Variants in SORBS2 observed in about 807,000 individuals in gnomAD.
SORBS2 encodes the protein sorbin and SH3 domain containing 2.
A neutral mutation model predicts 97.7 loss-of-function variants in SORBS2; 46 were observed. The ratio of observed to expected loss-of-function variants is 0.47; its 90% CI spans 0.37 to 0.60. The LOEUF is 0.60. SORBS2 is among the 20% of genes least tolerant of loss of function. The pLI is 0.00. For missense variants in SORBS2, 1,316 were observed against 1,282.3 expected (o/e 1.03, Z -0.40); for synonymous variants, 476 against 473.4 (o/e 1.01, Z -0.07).
At chr4:185,886,583 A>AAAAAAAGAAAAGAAAAG (rs2099239763) in intron 1 of SORBS2, among the ~76,000 whole-genome samples, 1 of 151,136 alleles carries the variant, frequency 6.6e-6, no homozygotes, top group Non-Finnish European at 1.5e-5. Context: ...AGAAAAGAAA[A>AAAAAAAGAAAAGAAAAG]AAAAAAGAAA....
intron 7 of SORBS2, among the ~76,000 whole-genome samples, chr4:185,620,993 C>T (rs1026222411): frequency 2.6e-5 from 4 of 152,184 alleles, no homozygotes; most frequent in African/African-American, 9.7e-5. Context: ...TTTGCACTTA[C>T]GTGACTTACA....
At chr4:185,594,633 A>G (rs1327868710) in intron 12 of SORBS2, among the ~76,000 whole-genome samples, 1 of 152,220 alleles carries the variant, frequency 6.6e-6, no homozygotes, top group African/African-American at 2.4e-5. Context: ...TTCTTTTTAA[A>G]CTAAGCATCA....
At chr4:185,921,893 T>C (rs2099261074) in intron 1 of SORBS2, among the ~76,000 whole-genome samples, 1 of 152,224 alleles carries the variant, frequency 6.6e-6, no homozygotes, top group South Asian at 2.1e-4. Context: ...GAGATTCCTT[T>C]ATTCAGACTG....
chr4:185,883,431 G>A (rs1561265835), intron 1 of SORBS2, among the ~76,000 whole-genome samples: 1 of 152,188 alleles, frequency 6.6e-6, no homozygotes, highest in Non-Finnish European at 1.5e-5. Context: ...CTGCTTGTGG[G>A]AATGCAAAAT....
chr4:185,793,209 C>T (rs921278242), intron 1 of SORBS2, among the ~76,000 whole-genome samples: 1 of 152,222 alleles, frequency 6.6e-6, no homozygotes, highest in African/African-American at 2.4e-5. Flanking sequence ...AATCCAAATT[C>T]TGTTGGGAAA....
chr4:185,784,496 G>T (rs1159478752), intron 1 of SORBS2, among the ~76,000 whole-genome samples: 1 of 152,090 alleles, frequency 6.6e-6, no homozygotes, highest in Non-Finnish European at 1.5e-5. Context: ...TCATTCTGTG[G>T]GGGTGCATGC....
intron 1 of SORBS2, among the ~76,000 whole-genome samples, chr4:185,815,324 C>T (rs890415236): frequency 2.6e-4 from 40 of 152,048 alleles, no homozygotes; most frequent in Admixed American, 2.3e-3. Flanking sequence ...TTTTAAACAA[C>T]GTGGTCATAA....
chr4:185,911,883 T>C (rs1251196684), intron 1 of SORBS2, among the ~76,000 whole-genome samples: 1 of 152,114 alleles, frequency 6.6e-6, no homozygotes. Flanking sequence ...CACAGAACAG[T>C]TTGTGAGCAA....
chr4:185,646,748 T>G (rs1213149944), exon 4 of SORBS2: 1 of 1,613,228 alleles, frequency 6.2e-7, no homozygotes. Context: ...AATTTTCTTG[T>G]GTCCACTTTT....
intron 1 of SORBS2, among the ~76,000 whole-genome samples, chr4:185,849,403 G>A (rs2099216491): frequency 6.6e-6 from 1 of 151,654 alleles, no homozygotes; most frequent in Admixed American, 6.6e-5. Context: ...CCAATCGACA[G>A]ATAAAGAATT....
At position 185,850,171 on chromosome 4, in the gene SORBS2, C is replaced by T. The variant is rs535475657; in HGVS notation, c.-337-74805G>A. 1.9e-3 allele frequency among the ~76,000 whole-genome samples: 286 copies of T among 152,232 alleles called. 1 individual carries two copies. In the Middle Eastern group the frequency reaches 0.02, roughly 11 times the overall value. On this transcript the variant is annotated intron_variant, in intron 1 of 20. Coordinates refer to the SORBS2 transcript ENST00000284776. ...AGACCTATATTCTCATCCTGCCCCTCGGGCATGAGTCACCACTTCCCCCTA... is the reference window on the plus strand; with the variant it reads ...AGACCTATATTCTCATCCTGCCCCTTGGGCATGAGTCACCACTTCCCCCTA...
At chr4:185,874,532 T>A (rs867945672) in intron 1 of SORBS2, among the ~76,000 whole-genome samples, 1 of 152,158 alleles carries the variant, frequency 6.6e-6, no homozygotes, top group Non-Finnish European at 1.5e-5. Flanking sequence ...ATTTCCAAAT[T>A]TCTGTTGTAA....
chr4:185,857,706 G>T (rs1412098568), intron 1 of SORBS2, among the ~76,000 whole-genome samples: 1 of 152,144 alleles, frequency 6.6e-6, no homozygotes, highest in Non-Finnish European at 1.5e-5. Flanking sequence ...CCTGTGGGGA[G>T]GTCTATGAAT....
At chr4:185,885,054 GA>G (rs983927799) in intron 1 of SORBS2, among the ~76,000 whole-genome samples, 3 of 150,872 alleles carry the variant, frequency 2.0e-5, no homozygotes, top group Non-Finnish European at 3.0e-5. Flanking sequence ...GCAACAAGAA[GA>G]AAAAAAAATC....
At chr4:185,682,744 C>T (rs2097889989) in intron 2 of SORBS2, among the ~76,000 whole-genome samples, 1 of 152,024 alleles carries the variant, frequency 6.6e-6, no homozygotes, top group South Asian at 2.1e-4. Flanking sequence ...GGTGTAGTGG[C>T]TCAGGCCTGT....
intron 2 of SORBS2, 63 bp downstream of exon 11, chr4:185,651,721 T>A (rs543745353): frequency 2.2e-6 from 2 of 893,232 alleles, no homozygotes; most frequent in Admixed American, 3.5e-5. Context: ...AAGGTGACCG[T>A]GTCGTTCTTC....
intron 2 of SORBS2, among the ~76,000 whole-genome samples, chr4:185,729,981 C>T (rs1316548863): frequency 6.6e-6 from 1 of 151,734 alleles, no homozygotes; most frequent in Non-Finnish European, 1.5e-5. Context: ...GAGATGGAGT[C>T]TTGCTCTATC....
intron 4 of SORBS2, chr4:185,677,708 A>C: frequency 1.5e-6 from 2 of 1,305,656 alleles, no homozygotes; most frequent in Non-Finnish European, 2.0e-6. Flanking sequence ...CAAGTTAGTC[A>C]TGAAAGAAAC....
intron 1 of SORBS2, among the ~76,000 whole-genome samples, chr4:185,864,173 T>G (rs1226225001): frequency 2.6e-5 from 4 of 152,194 alleles, no homozygotes; most frequent in Non-Finnish European, 5.9e-5. Flanking sequence ...ATTGTTCTCA[T>G]TATACTATAA....
Sources: gnomAD v4.1 joint callset for allele counts (sites outside exome capture counted in the v4.1 genomes callset) on GRCh38, gnomAD v4.1.1 for gene constraint, MANE v1.5 for transcripts, NCBI Gene and HGNC (gene_info 2026-07-23, HGNC 2026-07-21) for gene names.